The following ACACA variants were observed in gnomAD, a reference collection of about 807,000 sequenced individuals.
ACACA encodes the protein acetyl-CoA carboxylase alpha.
In ACACA, 103 loss-of-function variants were observed where a neutral mutation model predicts 296.1. That is an observed-to-expected ratio of 0.35 (90% CI 0.30 to 0.41). The LOEUF is 0.41. Ranked by LOEUF, ACACA falls within the 10% of genes least tolerant of loss-of-function variation. The pLI is 1.00. For missense variants in ACACA, 1,554 were observed against 2,989.7 expected, an observed-to-expected ratio of 0.52 and a Z score of 11.20; for synonymous variants, 953 against 1,038.6, an observed-to-expected ratio of 0.92 and a Z score of 1.58.
At chr17:37,292,911 T>C (rs2083140455) in intron 3 of ACACA, among the ~76,000 whole-genome samples, 1 of 152,198 alleles carries the variant, frequency 6.6e-6, no homozygotes, top group Non-Finnish European at 1.5e-5. Flanking sequence ...AGTACTTCAG[T>C]GCCGGCACTA....
intron 3 of ACACA, among the ~76,000 whole-genome samples, chr17:37,329,197 T>G (rs533516420): frequency 6.6e-6 from 1 of 152,268 alleles, no homozygotes; most frequent in African/African-American, 2.4e-5. Flanking sequence ...ATCTGATGAA[T>G]TAGTTCAAAA....
chr17:37,220,808 C>T (rs187005729), intron 29 of ACACA, among the ~76,000 whole-genome samples: 42 of 152,272 alleles, frequency 2.8e-4, no homozygotes, highest in Admixed American at 1.6e-3. Flanking sequence ...GTTTCTATTG[C>T]TTTGGGTGAA....
In ACACA at chr17:37,390,307, TA is replaced by T. The variant is rs2050793254; in HGVS notation, c.38+15954del. On this transcript the variant is annotated intron_variant, in intron 1 of 55. Transcript: ENST00000616317. ...TATAATTATATATTATACATAATTA[TA>T]TATATATATATATATATATATATAT... 1.6e-4 allele frequency among the ~76,000 whole-genome samples: 7 copies of T among 42,952 alleles called. 2 individuals are homozygous for T. The highest frequency in any genetic ancestry group is 3.4e-4 in the African/African-American group (2 of 5,834). The allele number at this position is 42,952 out of a possible 152,430, so 28.2% of individuals were successfully genotyped here.
At chr17:37,397,821 T>G (rs1210381628) in intron 1 of ACACA, among the ~76,000 whole-genome samples, 1 of 152,076 alleles carries the variant, frequency 6.6e-6, no homozygotes, top group Admixed American at 6.6e-5. Context: ...TAGCAACAGG[T>G]GCACCTTGGA....
At chr17:37,329,640 CAA>C (rs34870931) in intron 3 of ACACA, among the ~76,000 whole-genome samples, 30 of 119,322 alleles carry the variant, frequency 2.5e-4, no homozygotes, top group Non-Finnish European at 3.0e-4. Context: ...GACTCTATCT[CAA>C]AAAAAAAAAA....
intron 9 of ACACA, among the ~76,000 whole-genome samples, chr17:37,273,006 T>A (rs1336705752): frequency 6.6e-6 from 1 of 152,186 alleles, no homozygotes; most frequent in African/African-American, 2.4e-5. Context: ...TAAAAAAGAA[T>A]GTTAGTCGAT....
intron 35 of ACACA, among the ~76,000 whole-genome samples, chr17:37,195,362 A>G (rs1158573820): frequency 6.6e-6 from 1 of 152,212 alleles, no homozygotes; most frequent in Admixed American, 6.5e-5. Context: ...AATTTGTAGT[A>G]ACTGAAAGGC....
intron 47 of ACACA, among the ~76,000 whole-genome samples, chr17:37,127,461 C>T (rs554642158): frequency 7.2e-5 from 11 of 152,240 alleles, no homozygotes; most frequent in African/African-American, 1.7e-4. Context: ...CCTTAGAAGC[C>T]GGCTAAGATG....
At chr17:37,357,353 C>T (rs1346476304) in intron 1 of ACACA, among the ~76,000 whole-genome samples, 5 of 152,122 alleles carry the variant, frequency 3.3e-5, no homozygotes, top group African/African-American at 4.8e-5. Flanking sequence ...ATTAGCCAGG[C>T]GTAGTGGCGC....
At chr17:37,278,419 G>C (rs776127107) in intron 5 of ACACA, among the ~76,000 whole-genome samples, 8 of 152,192 alleles carry the variant, frequency 5.3e-5, no homozygotes, top group African/African-American at 1.9e-4. Context: ...TACAGAGCTT[G>C]ACAGAATGGA....
chr17:37,338,097 A>AAAAATAAAATAAAAT (rs376387915), intron 2 of ACACA, among the ~76,000 whole-genome samples: 2 of 148,958 alleles, frequency 1.3e-5, no homozygotes, highest in African/African-American at 5.1e-5. Context: ...ACTCCGTCTC[A>AAAAATAAAATAAAAT]AAAATAAAAT....
At chr17:37,117,761 A>T (rs748243690) in intron 50 of ACACA, among the ~76,000 whole-genome samples, 28 of 151,472 alleles carry the variant, frequency 1.8e-4, no homozygotes, top group Admixed American at 3.3e-4. Context: ...TTACTGCTCG[A>T]ATTAGACCTC....
At chr17:37,260,128 C>T (rs1480516645) in intron 11 of ACACA, among the ~76,000 whole-genome samples, 5 of 149,900 alleles carry the variant, frequency 3.3e-5, no homozygotes, top group Admixed American at 2.7e-4. Context: ...GTGATCTACT[C>T]GCCTTGGCCT....
intron 45 of ACACA, among the ~76,000 whole-genome samples, chr17:37,133,888 C>T (rs186853122): frequency 2.0e-3 from 298 of 152,320 alleles, no homozygotes; most frequent in African/African-American, 6.7e-3. Context: ...TAGGAATGGG[C>T]TCCACCTTGG....
intron 1 of ACACA, among the ~76,000 whole-genome samples, chr17:37,404,206 G>A (rs1427117054): frequency 6.6e-6 from 1 of 152,162 alleles, no homozygotes; most frequent in Non-Finnish European, 1.5e-5. Context: ...GCCTTAGCCA[G>A]TCTCAAAATT....
intron 2 of ACACA, among the ~76,000 whole-genome samples, chr17:37,338,915 G>A (rs1283815474): frequency 6.7e-6 from 1 of 150,168 alleles, no homozygotes; most frequent in Non-Finnish European, 1.5e-5. Flanking sequence ...ACTCTAGCCT[G>A]GGTGACAGAG....
At chr17:37,291,031 G>A (rs192453289) in intron 3 of ACACA, among the ~76,000 whole-genome samples, 19 of 143,406 alleles carry the variant, frequency 1.3e-4, no homozygotes, top group Middle Eastern at 3.8e-3. Flanking sequence ...GCAGTGAGCC[G>A]AGATCACGCC....
At chr17:37,257,630 C>T in intron 14 of ACACA, 73 bp downstream of exon 14, 1 of 1,476,536 alleles carries the variant, frequency 6.8e-7, no homozygotes. Context: ...ATTCCTATTC[C>T]CATGCTCACA....
chr17:37,299,303 T>G, intron 3 of ACACA: 1 of 1,614,034 alleles, frequency 6.2e-7, no homozygotes, highest in South Asian at 1.1e-5. Context: ...AATATCTCAT[T>G]TCCTTATTTT....
Sources: gnomAD v4.1 joint callset for allele counts (sites outside exome capture counted in the v4.1 genomes callset) on GRCh38, gnomAD v4.1.1 for gene constraint, MANE v1.5 for transcripts, NCBI Gene and HGNC (gene_info 2026-07-23, HGNC 2026-07-21) for gene names.